RAB38: variants seen among roughly 807,000 people sequenced by gnomAD.
The protein encoded by RAB38 is ras-related protein Rab-38.
RAB38 carries 15 observed loss-of-function variants against 18.4 expected under a neutral mutation model. That is an observed-to-expected ratio of 0.82 (90% CI 0.55 to 1.26). The LOEUF is 1.26. Among genes scored for constraint, RAB38 ranks in the 50% most tolerant of loss-of-function variants. The pLI is 0.00. For missense variants in RAB38, 294 were observed against 267.4 expected (o/e 1.10, Z -0.69); for synonymous variants, 101 against 104.4 (o/e 0.97, Z 0.20).
chr11:88,009,891 T>A, the RAB38 span, among the ~76,000 whole-genome samples: 2 of 152,180 alleles, frequency 1.3e-5, no homozygotes, highest in African/African-American at 4.8e-5. Context: ...ATTTCAGATC[T>A]TTTTGGACTT....
At chr11:88,027,766 G>T in the RAB38 span, among the ~76,000 whole-genome samples, 4 of 152,230 alleles carry the variant, frequency 2.6e-5, no homozygotes, top group African/African-American at 9.7e-5. Context: ...AGGCCTGCCT[G>T]CCTGCCTCTG....
At chr11:87,965,025 T>G in the RAB38 span, among the ~76,000 whole-genome samples, 6 of 152,280 alleles carry the variant, frequency 3.9e-5, no homozygotes, top group South Asian at 1.2e-3. Flanking sequence ...AGCCAGATAA[T>G]TCTTTGTTAT....
At chr11:87,900,021 C>T in the RAB38 span, among the ~76,000 whole-genome samples, 1 of 151,372 alleles carries the variant, frequency 6.6e-6, no homozygotes. Flanking sequence ...ACTGACTTAT[C>T]TCTGAACGAG....
the RAB38 span, among the ~76,000 whole-genome samples, chr11:88,056,803 C>CAATAAATAAATAAATAAATA: frequency 1.3e-4 from 16 of 121,394 alleles, no homozygotes; most frequent in East Asian, 2.3e-4. Context: ...GACTCCGTCT[C>CAATAAATAAATAAATAAATA]AATAAATAAA....
the RAB38 span, among the ~76,000 whole-genome samples, chr11:87,962,515 G>C: frequency 6.6e-6 from 1 of 152,142 alleles, no homozygotes; most frequent in Non-Finnish European, 1.5e-5. Context: ...GGGCAGGGGG[G>C]AAGAAGGATA....
the RAB38 span, among the ~76,000 whole-genome samples, chr11:87,950,771 C>G: frequency 5.3e-5 from 8 of 152,270 alleles, no homozygotes; most frequent in African/African-American, 9.6e-5. Flanking sequence ...AGTCTGATGG[C>G]CTTCCCTTTG....
chr11:88,148,840 A>G (rs1487212278), intron 2 of RAB38, among the ~76,000 whole-genome samples: 1 of 152,216 alleles, frequency 6.6e-6, no homozygotes, highest in African/African-American at 2.4e-5. Flanking sequence ...GCACACACAC[A>G]AAAATCAAAA....
chr11:87,954,402 A>C, the RAB38 span, among the ~76,000 whole-genome samples: 503 of 152,202 alleles, frequency 3.3e-3, no homozygotes, highest in Non-Finnish European at 4.9e-3. Flanking sequence ...TTTTCAGCCT[A>C]AATTTCTGAA....
the RAB38 span, among the ~76,000 whole-genome samples, chr11:87,805,616 C>T: frequency 7.2e-6 from 1 of 139,784 alleles, no homozygotes; most frequent in African/African-American, 2.8e-5. Context: ...CACACACACA[C>T]ACACACGCAC....
the RAB38 span, among the ~76,000 whole-genome samples, chr11:88,066,795 T>G: frequency 2.6e-5 from 4 of 152,238 alleles, no homozygotes; most frequent in South Asian, 8.3e-4. Flanking sequence ...CATCGAGGTA[T>G]AGTTTACCAA....
At chr11:88,142,180 T>C (rs1942923303) in intron 2 of RAB38, among the ~76,000 whole-genome samples, 1 of 152,178 alleles carries the variant, frequency 6.6e-6, no homozygotes. Flanking sequence ...TGGAAACACT[T>C]TTGCAGATCA....
At chr11:87,886,965 C>T in the RAB38 span, among the ~76,000 whole-genome samples, 30 of 151,918 alleles carry the variant, frequency 2.0e-4, no homozygotes, top group African/African-American at 7.2e-4. Flanking sequence ...GCCAGCATAA[C>T]TTTAATGAAG....
the RAB38 span, among the ~76,000 whole-genome samples, chr11:87,860,126 A>C: frequency 6.6e-6 from 1 of 151,982 alleles, no homozygotes; most frequent in Non-Finnish European, 1.5e-5. Context: ...TAAAAAATAG[A>C]TGCTTGATGG....
chr11:87,832,288 G>T, the RAB38 span, among the ~76,000 whole-genome samples: 2 of 152,144 alleles, frequency 1.3e-5, no homozygotes, highest in Non-Finnish European at 2.9e-5. Flanking sequence ...TGCATTAAAA[G>T]TTATCACCAA....
intron 1 of RAB38, 134 bp from the exon 2 acceptor site, chr11:88,150,089 C>T (rs980194784): frequency 1.6e-5 from 15 of 925,248 alleles, no homozygotes; most frequent in Admixed American, 1.0e-4. Flanking sequence ...CTTTAAAGAG[C>T]GAACTAAATA....
chr11:88,034,870 G>C, the RAB38 span, among the ~76,000 whole-genome samples: 23 of 152,278 alleles, frequency 1.5e-4, no homozygotes, highest in African/African-American at 5.3e-4. Context: ...CATGAGAGTA[G>C]AATTGTGAGT....
chr11:88,025,193 G>C, the RAB38 span, among the ~76,000 whole-genome samples: 3 of 150,292 alleles, frequency 2.0e-5, no homozygotes, highest in Admixed American at 2.0e-4. Context: ...ATACATATGA[G>C]ATATATATTA....
the RAB38 span, among the ~76,000 whole-genome samples, chr11:87,950,369 C>T: frequency 6.6e-6 from 1 of 152,114 alleles, no homozygotes; most frequent in Non-Finnish European, 1.5e-5. Context: ...TTAATTGGAG[C>T]ATTTAGCCCA....
the RAB38 span, among the ~76,000 whole-genome samples, chr11:87,950,273 ATG>A: frequency 6.6e-6 from 1 of 151,598 alleles, no homozygotes; most frequent in Admixed American, 6.6e-5. Context: ...TTTTGAGCCT[ATG>A]TGTGTCTCTG....
Sources: allele counts gnomAD v4.1 joint callset (sites outside exome capture counted in the v4.1 genomes callset), GRCh38; gene constraint gnomAD v4.1.1; transcripts MANE v1.5; gene names NCBI Gene and HGNC (gene_info 2026-07-23, HGNC 2026-07-21).